CAST: variants seen among roughly 807,000 people sequenced by gnomAD.
CAST encodes the protein MIR583 host.
Under a neutral mutation model 119.6 loss-of-function variants are expected in CAST, and 76 were observed. That is an observed-to-expected ratio of 0.64 (90% confidence interval 0.53 to 0.77). The LOEUF is 0.77. Among genes scored for constraint, CAST ranks in the 30% least tolerant of loss-of-function variants. The pLI is 0.00. For missense variants in CAST, 953 were observed against 946.5 expected (o/e 1.01, Z -0.09); for synonymous variants, 319 against 331.6 (o/e 0.96, Z 0.41).
In CAST at chr5:96,681,850, GT is replaced by G. The variant is rs564578961; in HGVS notation, c.138+6252del. ...CATTATTTCTTTAATTATTACTCTT[GT>G]TTCGGTTTCCCTTGTTTCTTCCTAA... is the stretch of plus-strand genomic sequence containing the variant. On this transcript the variant is annotated intron_variant, in intron 2 of 31. Transcript: ENST00000675179. 8.5e-3 allele frequency among the ~76,000 whole-genome samples: 1,262 copies of G among 149,114 alleles called. 20 individuals carry two copies. Among genetic ancestry groups the G allele is most frequent in the African/African-American group, 0.03 (1,195 of 40,418 alleles).
At chr5:96,390,380 A>C in the CAST span, 2 of 152,168 alleles carry the variant, frequency 1.3e-5, no homozygotes, top group African/African-American at 2.4e-5. Context: ...AGTGAGAAAC[A>C]ATTTATTTTT....
At chr5:96,522,966 A>C (rs189282305), upstream of CAST, among the ~76,000 whole-genome samples, 27 of 152,288 alleles carry the variant, frequency 1.8e-4, no homozygotes, top group Admixed American at 1.2e-3. Context: ...ATTTCAAAGT[A>C]ATAAGTTATT....
chr5:95,970,506 C>T, the CAST span, among the ~76,000 whole-genome samples: 2 of 152,146 alleles, frequency 1.3e-5, no homozygotes, highest in Non-Finnish European at 2.9e-5. Flanking sequence ...ATAAAGTTTG[C>T]TGAGTGTGCA....
chr5:96,700,775 T>A (rs1753777060), intron 3 of CAST, among the ~76,000 whole-genome samples: 1 of 152,064 alleles, frequency 6.6e-6, no homozygotes, highest in Admixed American at 6.5e-5. Flanking sequence ...CCCAGGAGTT[T>A]CAGATGCAGA....
At chr5:96,657,108 G>T (rs73774353), upstream of CAST, among the ~76,000 whole-genome samples, 4,789 of 152,210 alleles carry the variant, frequency 0.031, 256 homozygotes, top group African/African-American at 0.11. Context: ...CAACAAGAAG[G>T]ATCAAGACTA....
the CAST span, among the ~76,000 whole-genome samples, chr5:96,489,224 T>G: frequency 2.6e-5 from 4 of 151,896 alleles, no homozygotes; most frequent in East Asian, 3.9e-4. Context: ...TAGGTTCCAA[T>G]AGACTCATCA....
chr5:96,130,432 C>G, the CAST span, among the ~76,000 whole-genome samples: 1 of 125,892 alleles, frequency 7.9e-6, no homozygotes, highest in African/African-American at 3.0e-5. Flanking sequence ...TACTCAGGAA[C>G]AGAAAAAGGA....
At chr5:96,462,431 A>G in the CAST span, among the ~76,000 whole-genome samples, 1 of 152,168 alleles carries the variant, frequency 6.6e-6, no homozygotes, top group African/African-American at 2.4e-5. Flanking sequence ...ACAAGTAAAG[A>G]TTCTTATCTA....
chr5:96,434,888 A>G, the CAST span, among the ~76,000 whole-genome samples: 2 of 152,234 alleles, frequency 1.3e-5, no homozygotes, highest in Non-Finnish European at 2.9e-5. Context: ...TCAAATGCCA[A>G]TGTTAATAAG....
the CAST span, among the ~76,000 whole-genome samples, chr5:96,485,242 G>A: frequency 5.3e-5 from 8 of 152,040 alleles, no homozygotes; most frequent in African/African-American, 7.2e-5. Context: ...GGAACAATAC[G>A]AACACTCACA....
At chr5:96,499,706 A>G in the CAST span, among the ~76,000 whole-genome samples, 3 of 152,212 alleles carry the variant, frequency 2.0e-5, no homozygotes, top group Admixed American at 1.3e-4. Flanking sequence ...TTATTTCAAA[A>G]TTGGAGTCAA....
the CAST span, among the ~76,000 whole-genome samples, chr5:96,490,342 A>G: frequency 0.013 from 1,598 of 122,384 alleles, 33 homozygotes; most frequent in African/African-American, 0.049. Flanking sequence ...TGTTGTGTGT[A>G]TATGTGTGTG....
intron 1 of CAST, among the ~76,000 whole-genome samples, chr5:96,651,059 G>A (rs1748088989): frequency 6.6e-6 from 1 of 151,832 alleles, no homozygotes; most frequent in Admixed American, 6.6e-5. Flanking sequence ...ACATTCTGGA[G>A]AAAAAAAATT....
chr5:96,738,685 C>A (rs1408263869), intron 11 of CAST, among the ~76,000 whole-genome samples: 1 of 152,058 alleles, frequency 6.6e-6, no homozygotes, highest in Non-Finnish European at 1.5e-5. Context: ...GTAATCCCAG[C>A]ACTTTGGGAG....
chr5:96,264,482 G>C, the CAST span, among the ~76,000 whole-genome samples: 3 of 134,676 alleles, frequency 2.2e-5, no homozygotes, highest in African/African-American at 7.9e-5. Flanking sequence ...TTTCTTGATA[G>C]TCAGGGTCTG....
chr5:96,302,097 T>C, the CAST span, among the ~76,000 whole-genome samples: 1 of 152,168 alleles, frequency 6.6e-6, no homozygotes. Context: ...AAGCCTCAAC[T>C]CTTGCCCTTT....
chr5:96,154,576 A>G, the CAST span, among the ~76,000 whole-genome samples: 2 of 152,168 alleles, frequency 1.3e-5, no homozygotes, highest in African/African-American at 4.8e-5. Flanking sequence ...TTTTTACGTA[A>G]TGTCCTTTTC....
the CAST span, among the ~76,000 whole-genome samples, chr5:96,136,807 T>C: frequency 1.3e-5 from 2 of 152,188 alleles, no homozygotes; most frequent in Non-Finnish European, 2.9e-5. Context: ...TGTTGCATTA[T>C]ATATATGATA....
the CAST span, among the ~76,000 whole-genome samples, chr5:96,083,935 G>A: frequency 2.6e-5 from 4 of 152,182 alleles, no homozygotes; most frequent in Non-Finnish European, 5.9e-5. Flanking sequence ...TGCTGTTAAC[G>A]AGACTTTTGG....
Sources: allele counts gnomAD v4.1 joint callset (sites outside exome capture counted in the v4.1 genomes callset), GRCh38; gene constraint gnomAD v4.1.1; transcripts MANE v1.5; gene names NCBI Gene and HGNC (gene_info 2026-07-23, HGNC 2026-07-21).